Variants in HERC4 observed in about 807,000 individuals in gnomAD.
HERC4 encodes the protein probable E3 ubiquitin-protein ligase HERC4.
A neutral mutation model predicts 124.3 loss-of-function variants in HERC4; 28 were observed. That is an observed-to-expected ratio of 0.23 (90% CI 0.17 to 0.31). The LOEUF is 0.31. Among genes scored for constraint, HERC4 ranks in the 10% least tolerant of loss-of-function variants. The pLI, the probability that HERC4 is intolerant of heterozygous loss-of-function variation, is 1.00. For synonymous variants in HERC4, 407 were observed against 421.5 expected, an observed-to-expected ratio of 0.97 and a Z score of 0.42; for missense variants, 713 against 1,229.3, an observed-to-expected ratio of 0.58 and a Z score of 6.28.
intron 15 of HERC4, among the ~76,000 whole-genome samples, chr10:67,972,519 C>CA (rs2035304878): frequency 2.3e-5 from 1 of 43,730 alleles, no homozygotes; most frequent in Non-Finnish European, 4.0e-5. Flanking sequence ...AACTCTGTCT[C>CA]AAAAAAGAGG....
intron 3 of HERC4, among the ~76,000 whole-genome samples, chr10:68,067,506 T>C (rs2041357281): frequency 6.6e-6 from 1 of 152,248 alleles, no homozygotes; most frequent in Non-Finnish European, 1.5e-5. Context: ...GATAATCTGG[T>C]ATTTTTATTT....
chr10:68,051,189 G>GT (rs2040281779), intron 3 of HERC4, among the ~76,000 whole-genome samples: 1 of 150,976 alleles, frequency 6.6e-6, no homozygotes. Context: ...GCTACAAAAT[G>GT]TTGAAATTAC....
intron 1 of HERC4, 118 bp from the exon 2 acceptor site, chr10:68,073,804 T>C (rs986537615): frequency 1.1e-4 from 17 of 152,156 alleles, no homozygotes; most frequent in Non-Finnish European, 1.6e-4. Context: ...CAAACCATAA[T>C]CTTAAATCAC....
rs1222286458 is a variant in HERC4, at chr10:67,962,794, ACATAGAGAAAGGCAG to A, written c.1926+3874_1926+3888del. On this transcript the variant is annotated intron_variant, in intron 16 of 24. Transcript: ENST00000373700. The stretch of plus-strand genomic sequence containing the variant: ...CTTAGAAAATGTTTCATTATAGTGC[ACATAGAGAAAGGCAG>A]CAAGAGAACAGAGTTATTAGACACG... 3.9e-5 allele frequency among the ~76,000 whole-genome samples: 6 copies of A among 152,316 alleles called. No individual in the cohort carries two copies. The East Asian group carries it at 1.2e-3, about 29-fold the overall frequency.
At chr10:68,051,041 C>T (rs865872345) in intron 3 of HERC4, among the ~76,000 whole-genome samples, 1 of 147,314 alleles carries the variant, frequency 6.8e-6, no homozygotes, top group African/African-American at 2.5e-5. Context: ...AATTAGAAAA[C>T]GGAGAGTTAA....
intron 20 of HERC4, among the ~76,000 whole-genome samples, chr10:67,940,455 T>C (rs1264261282): frequency 6.6e-6 from 1 of 152,082 alleles, no homozygotes; most frequent in East Asian, 1.9e-4. Flanking sequence ...AGTCTTGCTC[T>C]GTCACCCAGG....
At chr10:68,069,747 G>C in intron 3 of HERC4, 5 of 985,458 alleles carry the variant, frequency 5.1e-6, no homozygotes, top group Non-Finnish European at 6.0e-6. Context: ...CAAGTTTAAA[G>C]TTCTTGTGAA....
intron 9 of HERC4, 74 bp downstream of exon 9, chr10:68,013,952 C>T: frequency 8.0e-7 from 1 of 1,257,728 alleles, no homozygotes. Flanking sequence ...TCGCAGAAAT[C>T]TTCATGATTT....
intron 3 of HERC4, among the ~76,000 whole-genome samples, chr10:68,046,432 T>C (rs2040014861): frequency 1.3e-5 from 2 of 152,128 alleles, no homozygotes; most frequent in African/African-American, 4.8e-5. Context: ...AAGTCAAAGA[T>C]AGCAATGTAA....
chr10:68,019,410 T>C (rs755679166), intron 8 of HERC4, among the ~76,000 whole-genome samples: 21 of 151,960 alleles, frequency 1.4e-4, no homozygotes, highest in African/African-American at 5.1e-4. Flanking sequence ...GGCATATAGA[T>C]TGAAAAATTA....
intron 19 of HERC4, among the ~76,000 whole-genome samples, chr10:67,947,910 C>T (rs991654534): frequency 7.6e-6 from 1 of 131,026 alleles, no homozygotes; most frequent in Non-Finnish European, 1.6e-5. Context: ...AGGCTGGTCT[C>T]GAATTCCTGA....
At chr10:67,928,160 G>T (rs1293474342) in intron 23 of HERC4, among the ~76,000 whole-genome samples, 1 of 152,136 alleles carries the variant, frequency 6.6e-6, no homozygotes, top group Non-Finnish European at 1.5e-5. Context: ...CTCAGCAGAG[G>T]TTAATAAGGC....
intron 23 of HERC4, among the ~76,000 whole-genome samples, chr10:67,927,112 C>G (rs537208766): frequency 6.6e-6 from 1 of 151,912 alleles, no homozygotes; most frequent in Non-Finnish European, 1.5e-5. Context: ...TAGTTGCACA[C>G]AAGTTTGAAG....
At chr10:67,986,050 T>C (rs2036243053) in intron 15 of HERC4, among the ~76,000 whole-genome samples, 1 of 152,240 alleles carries the variant, frequency 6.6e-6, no homozygotes, top group South Asian at 2.1e-4. Context: ...TCTTGAATGA[T>C]ACAAATAAAT....
intron 9 of HERC4, among the ~76,000 whole-genome samples, chr10:68,003,748 T>C (rs2037377848): frequency 6.6e-6 from 1 of 152,246 alleles, no homozygotes. Context: ...ACATTTTCTT[T>C]ATCCATGTCT....
intron 8 of HERC4, among the ~76,000 whole-genome samples, chr10:68,022,500 A>AAAATAAATAAATAAAT (rs34560535): frequency 1.7e-4 from 25 of 143,974 alleles, no homozygotes; most frequent in African/African-American, 2.6e-4. Flanking sequence ...ACTCCATCTC[A>AAAATAAATAAATAAAT]AAATAAATAA....
intron 3 of HERC4, among the ~76,000 whole-genome samples, chr10:68,059,929 ATATAT>A (rs1379342044): frequency 8.0e-6 from 1 of 125,026 alleles, no homozygotes; most frequent in Non-Finnish European, 1.6e-5. Flanking sequence ...TCATAATATT[ATATAT>A]TATAATAATA....
intron 23 of HERC4, among the ~76,000 whole-genome samples, chr10:67,930,604 GCT>G (rs2031690588): frequency 6.6e-6 from 1 of 152,220 alleles, no homozygotes; most frequent in Non-Finnish European, 1.5e-5. Flanking sequence ...GGTAAGTGCT[GCT>G]CTGTTTTTTT....
At chr10:67,964,197 A>G (rs1439355832) in intron 16 of HERC4, among the ~76,000 whole-genome samples, 1 of 150,810 alleles carries the variant, frequency 6.6e-6, no homozygotes, top group Admixed American at 6.7e-5. Context: ...CAACATCCCA[A>G]CCCAAGAATG....
Sources: allele counts gnomAD v4.1 joint callset (sites outside exome capture counted in the v4.1 genomes callset), GRCh38; gene constraint gnomAD v4.1.1; transcripts MANE v1.5; gene names NCBI Gene and HGNC (gene_info 2026-07-23, HGNC 2026-07-21).